ARHGAP42: variants seen among roughly 807,000 people sequenced by gnomAD.
ARHGAP42 encodes the protein rho GTPase-activating protein 42.
In ARHGAP42, 63 loss-of-function variants were observed where a neutral mutation model predicts 125.0. The ratio of observed to expected loss-of-function variants is 0.50; its 90% CI spans 0.41 to 0.62. The LOEUF (loss-of-function observed/expected upper bound fraction) is 0.62. Ranked by LOEUF, ARHGAP42 falls within the 20% of genes least tolerant of loss-of-function variation. The pLI is 0.00. For missense variants in ARHGAP42, 766 were observed against 1,024.2 expected (o/e 0.75, Z 3.44); for synonymous variants, 339 against 351.0 (o/e 0.97, Z 0.38).
At chr11:100,834,115 A>G (rs1018249086) in intron 3 of ARHGAP42, among the ~76,000 whole-genome samples, 1 of 152,164 alleles carries the variant, frequency 6.6e-6, no homozygotes. Context: ...ACAGCTGTCC[A>G]GTCATTACAG....
At chr11:100,740,846 A>T (rs1488961262) in intron 1 of ARHGAP42, among the ~76,000 whole-genome samples, 1 of 152,120 alleles carries the variant, frequency 6.6e-6, no homozygotes, top group Admixed American at 6.6e-5. Flanking sequence ...TTTAAAAAAA[A>T]TATGTCTATC....
intron 5 of ARHGAP42, among the ~76,000 whole-genome samples, chr11:100,916,424 G>A (rs553849680): frequency 6.6e-6 from 1 of 152,236 alleles, no homozygotes; most frequent in South Asian, 2.1e-4. Context: ...TGTCAGAAAG[G>A]TAAACACTTC....
chr11:100,755,402 T>C (rs1862548630), intron 1 of ARHGAP42, among the ~76,000 whole-genome samples: 1 of 152,222 alleles, frequency 6.6e-6, no homozygotes, highest in Non-Finnish European at 1.5e-5. Flanking sequence ...TATGAGCATA[T>C]GGAAAAAGCA....
At chr11:100,879,399 A>G (rs1865904174) in intron 4 of ARHGAP42, among the ~76,000 whole-genome samples, 2 of 152,186 alleles carry the variant, frequency 1.3e-5, no homozygotes, top group South Asian at 2.1e-4. Context: ...CCTTGCACAT[A>G]TGAACTTCTC....
chr11:100,736,842 C>T (rs1374108619), intron 1 of ARHGAP42, among the ~76,000 whole-genome samples: 1 of 152,126 alleles, frequency 6.6e-6, no homozygotes, highest in African/African-American at 2.4e-5. Flanking sequence ...AGGAGAAGCA[C>T]ATTATTCTGG....
intron 5 of ARHGAP42, among the ~76,000 whole-genome samples, chr11:100,921,242 TA>T (rs1867256135): frequency 1.1e-4 from 3 of 26,176 alleles, no homozygotes; most frequent in African/African-American, 1.4e-4. Flanking sequence ...TATATATATA[TA>T]TATTTTTTTT....
chr11:100,734,229 G>A (rs543734114), intron 1 of ARHGAP42, among the ~76,000 whole-genome samples: 5 of 149,630 alleles, frequency 3.3e-5, no homozygotes, highest in African/African-American at 1.2e-4. Flanking sequence ...CACCGCGCCT[G>A]GCCCAAAGCA....
rs974349547 is a variant in ARHGAP42 at position 100,993,451 on chromosome 11, A to G, written c.*4650A>G. ...GAACGATCCCCACAGGAACTGGTCT[A>G]AGAACACTGTCTGCACATGATTGAT... On this transcript the variant is annotated 3_prime_UTR_variant, in exon 24 of 24. Coordinates refer to ENST00000298815, the MANE Select transcript of ARHGAP42 (RefSeq NM_152432.4). 5 of 167,012 alleles carry G rather than the reference A, an allele frequency of 3.0e-5. No individual in the cohort carries two copies. Among genetic ancestry groups the G allele is most frequent in the Admixed American group, 1.3e-4 (2 of 15,264 alleles). 10.3% of individuals were successfully genotyped at this position (167,012 alleles called of 1,614,324 possible).
chr11:100,896,963 A>G (rs1866380481), intron 4 of ARHGAP42, among the ~76,000 whole-genome samples: 1 of 152,188 alleles, frequency 6.6e-6, no homozygotes, highest in Non-Finnish European at 1.5e-5. Flanking sequence ...TAGGGATTTT[A>G]TGGTTTTAGG....
intron 2 of ARHGAP42, 24 bp downstream of exon 2, chr11:100,770,462 T>C: frequency 7.0e-7 from 1 of 1,430,154 alleles, no homozygotes; most frequent in Non-Finnish European, 9.6e-7. Context: ...TTTTAGAAAG[T>C]TCTATTACTA....
intron 10 of ARHGAP42, among the ~76,000 whole-genome samples, chr11:100,946,641 G>A (rs1424633430): frequency 6.6e-6 from 1 of 151,970 alleles, no homozygotes; most frequent in African/African-American, 2.4e-5. Flanking sequence ...AGTCAGTGGA[G>A]CAGTGGCACA....
At chr11:100,925,916 T>C (rs542727854) in intron 6 of ARHGAP42, among the ~76,000 whole-genome samples, 6 of 152,234 alleles carry the variant, frequency 3.9e-5, no homozygotes, top group African/African-American at 1.4e-4. Flanking sequence ...ATCTCCTGAC[T>C]CTTGGTTATA....
intron 3 of ARHGAP42, among the ~76,000 whole-genome samples, chr11:100,831,654 G>T (rs1864666005): frequency 6.6e-6 from 1 of 152,150 alleles, no homozygotes; most frequent in Admixed American, 6.5e-5. Flanking sequence ...GGGGTTGCTT[G>T]TGGGGAATTC....
At chr11:100,904,202 A>G (rs2135216521) in intron 4 of ARHGAP42, among the ~76,000 whole-genome samples, 1 of 151,706 alleles carries the variant, frequency 6.6e-6, no homozygotes, top group South Asian at 2.1e-4. Flanking sequence ...TTAAAGTGGC[A>G]TTACAAATAT....
chr11:100,750,250 A>G (rs886854738), intron 1 of ARHGAP42, among the ~76,000 whole-genome samples: 6 of 152,240 alleles, frequency 3.9e-5, no homozygotes, highest in African/African-American at 1.4e-4. Context: ...AGATGGAGCA[A>G]TGGTGAGTGC....
chr11:100,739,144 CTTTTTT>C (rs892938777), intron 1 of ARHGAP42, among the ~76,000 whole-genome samples: 2 of 150,606 alleles, frequency 1.3e-5, no homozygotes, highest in African/African-American at 4.9e-5. Context: ...ATCTTAGAGT[CTTTTTT>C]TTTGTTTTTG....
At chr11:100,716,988 G>A (rs1277302953) in intron 1 of ARHGAP42, among the ~76,000 whole-genome samples, 1 of 152,070 alleles carries the variant, frequency 6.6e-6, no homozygotes, top group African/African-American at 2.4e-5. Flanking sequence ...GTATTCATAG[G>A]GGATTTCAAC....
intron 12 of ARHGAP42, among the ~76,000 whole-genome samples, chr11:100,958,945 A>AT (rs1288407946): frequency 9.2e-5 from 14 of 151,460 alleles, no homozygotes; most frequent in East Asian, 1.9e-4. Flanking sequence ...TTTGATATAT[A>AT]TTTTTTTGTC....
chr11:100,814,154 C>T (rs796359225), intron 3 of ARHGAP42, among the ~76,000 whole-genome samples: 19 of 151,764 alleles, frequency 1.3e-4, no homozygotes, highest in African/African-American at 4.4e-4. Context: ...GGTCGCACCA[C>T]TGCACTCCAG....
Sources: allele counts gnomAD v4.1 joint callset (sites outside exome capture counted in the v4.1 genomes callset), GRCh38; gene constraint gnomAD v4.1.1; transcripts MANE v1.5; gene names NCBI Gene and HGNC (gene_info 2026-07-23, HGNC 2026-07-21).